ATP11C: variants seen among roughly 807,000 people sequenced by gnomAD.
ATP11C encodes the protein ATPase phospholipid transporting 11C (ATP11C blood group), also known as phospholipid-transporting ATPase IG.
Under a neutral mutation model 97.4 loss-of-function variants are expected in ATP11C, and 36 were observed. That is an observed-to-expected ratio of 0.37 (90% CI 0.28 to 0.49). ATP11C has a LOEUF of 0.49. Ranked by LOEUF, ATP11C falls within the 20% of genes least tolerant of loss-of-function variation. The probability of loss-of-function intolerance (pLI) is 0.98; values close to 1 mark genes in which losing one functional copy is unlikely to be tolerated. For synonymous variants in ATP11C, 275 were observed against 290.9 expected, an observed-to-expected ratio of 0.95 and a Z score of 0.56; for missense variants, 730 against 824.6, an observed-to-expected ratio of 0.89 and a Z score of 1.40.
chrX:139,928,195 T>A (rs908188131), intron 1 of ATP11C, among the ~76,000 whole-genome samples: 1 of 106,564 alleles, frequency 9.4e-6, no homozygotes, highest in Non-Finnish European at 1.9e-5. Flanking sequence ...CAATATGATT[T>A]AAAAAAAAAA....
intron 1 of ATP11C, among the ~76,000 whole-genome samples, chrX:139,830,567 C>T (rs2083625221): frequency 9.0e-6 from 1 of 111,659 alleles, no homozygotes; most frequent in African/African-American, 3.3e-5. Flanking sequence ...TGCAAAGCTA[C>T]TTGGATTATC....
intron 5 of ATP11C, among the ~76,000 whole-genome samples, chrX:139,806,600 G>A (rs2083048659): frequency 1.8e-5 from 2 of 111,119 alleles, no homozygotes; most frequent in Admixed American, 1.9e-4. Flanking sequence ...TAAAGACTGG[G>A]TGTGAGCTAG....
chrX:139,846,045 A>C (rs148192200), intron 1 of ATP11C, among the ~76,000 whole-genome samples: 1,651 of 112,178 alleles, frequency 0.015, 27 homozygotes, highest in African/African-American at 0.052. Flanking sequence ...TCCAAAAATA[A>C]GTCTGACTTA....
rs186766067 is a variant in ATP11C, at chrX:139,847,499, G to A, written c.28-20676C>T. 4.7e-3 allele frequency among the ~76,000 whole-genome samples: 514 copies of A among 110,264 alleles called. 5 individuals are homozygous for A. The highest frequency in any genetic ancestry group is 0.016 in the African/African-American group (477 of 30,237). On this transcript the variant is annotated intron_variant, in intron 1 of 29. Coordinates refer to ENST00000682941, the MANE Select transcript of ATP11C (RefSeq NM_001353812.2). ...GGACTCTGCTTGAGCCCAGGAGTTC[G>A]AGACCAGCCTGGGCAACACAGTGAG... is the stretch of plus-strand genomic sequence containing the variant.
intron 22 of ATP11C, among the ~76,000 whole-genome samples, 162 bp from the exon 23 acceptor site, chrX:139,758,029 A>C (rs888573110): frequency 1.5e-4 from 17 of 112,217 alleles, no homozygotes; most frequent in African/African-American, 5.5e-4. Context: ...AACAACTAAA[A>C]CAATGATTAA....
At chrX:139,773,357 T>A (rs1227012128) in intron 19 of ATP11C, among the ~76,000 whole-genome samples, 1 of 111,069 alleles carries the variant, frequency 9.0e-6, no homozygotes, top group Admixed American at 9.6e-5. Flanking sequence ...GGGGCCTCCA[T>A]GATGGGATTA....
intron 16 of ATP11C, 120 bp from the exon 17 acceptor site, chrX:139,783,387 G>C: frequency 6.8e-6 from 3 of 438,324 alleles, no homozygotes; most frequent in East Asian, 3.8e-5. Flanking sequence ...AGCACACCTT[G>C]CAATACTCAC....
intron 7 of ATP11C, among the ~76,000 whole-genome samples, chrX:139,801,722 T>C: frequency 9.0e-6 from 1 of 111,462 alleles, no homozygotes; most frequent in Non-Finnish European, 1.9e-5. Flanking sequence ...CCAGAGAGCC[T>C]AAGTATAGTA....
chrX:139,771,494 G>T, intron 19 of ATP11C, among the ~76,000 whole-genome samples: 1 of 111,653 alleles, frequency 9.0e-6, no homozygotes. Flanking sequence ...GCAGAGGCTG[G>T]GACAGTTTGG....
chrX:139,832,175 T>A (rs775797749), intron 1 of ATP11C: 1 of 1,208,982 alleles, frequency 8.3e-7, no homozygotes, highest in African/African-American at 1.7e-5. Context: ...GAGGGAGAGA[T>A]GGGACCATCT....
chrX:139,820,999 T>C (rs879155682), intron 2 of ATP11C, among the ~76,000 whole-genome samples: 2 of 111,375 alleles, frequency 1.8e-5, no homozygotes, highest in Non-Finnish European at 3.8e-5. Context: ...CTGTATAATA[T>C]GTGAGAACAT....
chrX:139,936,116 A>T (rs752683221), upstream of ATP11C, among the ~76,000 whole-genome samples: 1 of 111,547 alleles, frequency 9.0e-6, no homozygotes, highest in Non-Finnish European at 1.9e-5. Flanking sequence ...TGGGCAACAT[A>T]GCAAGACCTC....
At chrX:139,854,477 T>G (rs374140406) in intron 1 of ATP11C, among the ~76,000 whole-genome samples, 9 of 111,616 alleles carry the variant, frequency 8.1e-5, no homozygotes, top group African/African-American at 2.9e-4. Context: ...GGAGGAGAAT[T>G]TATGTAAAGA....
intron 1 of ATP11C, among the ~76,000 whole-genome samples, chrX:139,894,712 T>A (rs2084779631): frequency 8.9e-6 from 1 of 112,240 alleles, no homozygotes; most frequent in Non-Finnish European, 1.9e-5. Flanking sequence ...TCATTACACA[T>A]TTTATGAATG....
chrX:139,922,223 A>AAT (rs201394639), intron 1 of ATP11C, among the ~76,000 whole-genome samples: 520 of 43,570 alleles, frequency 0.012, 6 homozygotes, highest in African/African-American at 0.016. Flanking sequence ...TCCTTCTCTA[A>AAT]ATATATATAT....
intron 1 of ATP11C, among the ~76,000 whole-genome samples, chrX:139,866,954 T>C (rs925987862): frequency 1.8e-5 from 2 of 110,259 alleles, no homozygotes; most frequent in Non-Finnish European, 3.8e-5. Flanking sequence ...GGTATGGTAG[T>C]GCATGCCTGT....
In ATP11C at chrX:139,819,392, A is replaced by T. The variant is rs780679084; in HGVS notation, c.183T>A (p.Phe61Leu). The change falls in exon 3 of 30, where the codon TTT (phenylalanine) becomes TTA (leucine). Residue 61 changes from phenylalanine to leucine, a missense_variant. Coordinates refer to ENST00000682941, the MANE Select transcript of ATP11C (RefSeq NM_001353812.2). ...AATTTGCAATTCTTCTAAACTGTTC[A>T]AACAGATTCTTTGGGAGAAAATTCC... ...TLWNFLPKNL[F>L]EQFRRIANFY... 2 of 1,147,545 alleles carry T rather than the reference A, an allele frequency of 1.7e-6. No homozygotes were observed. The highest frequency in any genetic ancestry group is 2.3e-6 in the Non-Finnish European group (2 of 855,633). The allele number at this position is 1,147,545 out of a possible 1,213,427, so 94.6% of individuals were successfully genotyped here. A position where few individuals can be genotyped will look rare whatever the true frequency, so the allele number is the denominator to read the frequency against.
At chrX:139,831,351 G>GAAA (rs111615650) in intron 1 of ATP11C, among the ~76,000 whole-genome samples, 5 of 102,204 alleles carry the variant, frequency 4.9e-5, no homozygotes, top group African/African-American at 1.8e-4. Flanking sequence ...ACATTTAATT[G>GAAA]AAAAAAAAAA....
At chrX:139,809,823 G>A (rs1192212249) in intron 5 of ATP11C, among the ~76,000 whole-genome samples, 2 of 110,133 alleles carry the variant, frequency 1.8e-5, no homozygotes, top group Non-Finnish European at 3.8e-5. Context: ...AAAATTAGCC[G>A]GGCATGGTGG....
Sources: allele counts gnomAD v4.1 joint callset (sites outside exome capture counted in the v4.1 genomes callset), GRCh38; gene constraint gnomAD v4.1.1; transcripts MANE v1.5; gene names NCBI Gene and HGNC (gene_info 2026-07-23, HGNC 2026-07-21).